Variants in CNTN5 observed in about 807,000 individuals in gnomAD.
CNTN5 encodes the protein contactin-5.
Under a neutral mutation model 129.1 loss-of-function variants are expected in CNTN5, and 77 were observed. That is an observed-to-expected ratio of 0.60 (90% CI 0.50 to 0.72). CNTN5 has a LOEUF of 0.72. Among genes scored for constraint, CNTN5 ranks in the 30% least tolerant of loss-of-function variants. The pLI is 0.00. For synonymous variants in CNTN5, 509 were observed against 465.6 expected, an observed-to-expected ratio of 1.09 and a Z score of -1.20; for missense variants, 1,478 against 1,328.8, an observed-to-expected ratio of 1.11 and a Z score of -1.75.
chr11:99,069,926 G>A (rs1185454793), intron 1 of CNTN5, among the ~76,000 whole-genome samples: 1 of 152,120 alleles, frequency 6.6e-6, no homozygotes, highest in Non-Finnish European at 1.5e-5. Context: ...CTTCAGCAGG[G>A]AAGGATTTAA....
intron 3 of CNTN5, among the ~76,000 whole-genome samples, chr11:99,680,300 A>C (rs1036086498): frequency 6.6e-6 from 1 of 152,158 alleles, no homozygotes; most frequent in Admixed American, 6.5e-5. Flanking sequence ...GCCTGGCTTC[A>C]AAGCTTCAAG....
chr11:99,218,564 C>T (rs1258418003), intron 1 of CNTN5, among the ~76,000 whole-genome samples: 2 of 152,028 alleles, frequency 1.3e-5, no homozygotes, highest in Admixed American at 6.6e-5. Flanking sequence ...ACATGTAAAC[C>T]AGGACAACCA....
At chr11:99,254,349 TGTGAACTTAAATATTAA>T (rs776239385) in intron 1 of CNTN5, among the ~76,000 whole-genome samples, 5 of 152,008 alleles carry the variant, frequency 3.3e-5, no homozygotes, top group Admixed American at 6.6e-5. Flanking sequence ...GGGTGAATTC[TGTGAACTTAAATATTAA>T]GTACTGCCGA....
intron 2 of CNTN5, among the ~76,000 whole-genome samples, chr11:99,508,182 G>C (rs1946696110): frequency 6.6e-6 from 1 of 152,110 alleles, no homozygotes; most frequent in Non-Finnish European, 1.5e-5. Context: ...AGTTTGTAGT[G>C]ATCTCGCTGA....
chr11:99,299,705 T>C (rs1209749990), intron 1 of CNTN5, among the ~76,000 whole-genome samples: 1 of 152,182 alleles, frequency 6.6e-6, no homozygotes, highest in Non-Finnish European at 1.5e-5. Flanking sequence ...ACTCAATCCA[T>C]GTTGCCGCAA....
At chr11:99,869,802 T>C (rs1948455065) in intron 6 of CNTN5, among the ~76,000 whole-genome samples, 1 of 152,220 alleles carries the variant, frequency 6.6e-6, no homozygotes, top group African/African-American at 2.4e-5. Context: ...ATTTAAGATA[T>C]TAAATTCAGA....
At chr11:99,749,153 G>C (rs1465889079) in intron 3 of CNTN5, among the ~76,000 whole-genome samples, 2 of 152,100 alleles carry the variant, frequency 1.3e-5, no homozygotes, top group African/African-American at 4.8e-5. Context: ...CTTACTGATG[G>C]TTCAGTGTAT....
chr11:100,277,189 G>A (rs373424045), intron 18 of CNTN5, among the ~76,000 whole-genome samples: 1 of 152,128 alleles, frequency 6.6e-6, no homozygotes, highest in South Asian at 2.1e-4. Context: ...ACTACGTTGT[G>A]TACAAGTACC....
chr11:100,342,811 A>C (rs1243281460), intron 23 of CNTN5, among the ~76,000 whole-genome samples: 2 of 152,174 alleles, frequency 1.3e-5, no homozygotes, highest in African/African-American at 4.8e-5. Flanking sequence ...TTTTTCTAGC[A>C]TAACCTTGCC....
intron 3 of CNTN5, among the ~76,000 whole-genome samples, chr11:99,693,331 C>T (rs553493382): frequency 6.6e-6 from 1 of 151,892 alleles, no homozygotes; most frequent in Non-Finnish European, 1.5e-5. Context: ...TAAAAAATTC[C>T]TTTCTGTATG....
At chr11:100,011,163 C>T (rs914006901) in intron 9 of CNTN5, among the ~76,000 whole-genome samples, 1 of 152,096 alleles carries the variant, frequency 6.6e-6, no homozygotes, top group Non-Finnish European at 1.5e-5. Context: ...CATGTTTTGG[C>T]CTTGAAAATT....
At chr11:100,229,532 T>G (rs544316057) in intron 16 of CNTN5, among the ~76,000 whole-genome samples, 1 of 152,342 alleles carries the variant, frequency 6.6e-6, no homozygotes, top group South Asian at 2.1e-4. Context: ...TCTTTAGTGA[T>G]TCTCACTAGC....
intron 2 of CNTN5, among the ~76,000 whole-genome samples, chr11:99,340,268 T>A (rs1008990927): frequency 6.6e-6 from 1 of 152,080 alleles, no homozygotes; most frequent in Non-Finnish European, 1.5e-5. Context: ...AGCAAAGATG[T>A]AAAATAGTTA....
At chr11:99,095,052 A>G (rs1866413074) in intron 1 of CNTN5, among the ~76,000 whole-genome samples, 1 of 151,846 alleles carries the variant, frequency 6.6e-6, no homozygotes, top group Non-Finnish European at 1.5e-5. Context: ...TTACATAGGT[A>G]TACACGTGCC....
At chr11:99,914,283 T>C (rs936621153) in intron 6 of CNTN5, among the ~76,000 whole-genome samples, 6 of 152,040 alleles carry the variant, frequency 3.9e-5, no homozygotes, top group African/African-American at 1.4e-4. Context: ...CTATCTTGTA[T>C]TGTATTTCTA....
intron 13 of CNTN5, among the ~76,000 whole-genome samples, chr11:100,129,586 G>T (rs1946308360): frequency 6.6e-6 from 1 of 152,106 alleles, no homozygotes; most frequent in Non-Finnish European, 1.5e-5. Flanking sequence ...CTCTGTGCAT[G>T]AATATTTTTT....
chr11:99,102,693 C>T (rs979701920), intron 1 of CNTN5, among the ~76,000 whole-genome samples: 3 of 152,140 alleles, frequency 2.0e-5, no homozygotes, highest in African/African-American at 7.2e-5. Flanking sequence ...TTGTCTATAT[C>T]GTTATCAGCA....
intron 2 of CNTN5, among the ~76,000 whole-genome samples, chr11:99,483,491 C>A (rs1945685328): frequency 6.6e-6 from 1 of 152,124 alleles, no homozygotes; most frequent in Non-Finnish European, 1.5e-5. Flanking sequence ...TCTTAGTGCA[C>A]ATTCTTGAGC....
At chr11:99,594,828 C>T (rs1397441679) in intron 3 of CNTN5, among the ~76,000 whole-genome samples, 4 of 152,128 alleles carry the variant, frequency 2.6e-5, no homozygotes, top group Admixed American at 2.0e-4. Flanking sequence ...TCAGAAAGAC[C>T]CTGGTGTGGT....
Sources: gnomAD v4.1 joint callset for allele counts (sites outside exome capture counted in the v4.1 genomes callset) on GRCh38, gnomAD v4.1.1 for gene constraint, MANE v1.5 for transcripts, NCBI Gene and HGNC (gene_info 2026-07-23, HGNC 2026-07-21) for gene names.